The following ABI3BP variants were observed in gnomAD, a reference collection of about 807,000 sequenced individuals.
ABI3BP encodes target of Nesh-SH3.
ABI3BP carries 216 observed loss-of-function variants against 268.6 expected under a neutral mutation model. The observed-to-expected ratio is 0.80, with a 90% CI of 0.72 to 0.90. ABI3BP has a LOEUF of 0.90. Ranked by LOEUF, ABI3BP falls within the 40% of genes least tolerant of loss-of-function variation. The probability of loss-of-function intolerance (pLI) is 0.00; values close to 1 mark genes in which losing one functional copy is unlikely to be tolerated. For synonymous variants in ABI3BP, 730 were observed against 730.0 expected, an observed-to-expected ratio of 1.00 and a Z score of 0.00; for missense variants, 2,090 against 2,182.4, an observed-to-expected ratio of 0.96 and a Z score of 0.84.
rs2097302067 is a variant in ABI3BP at position 100,794,971 on chromosome 3, G to A, written c.3898C>T (p.Pro1300Ser). ...TGACTAGGACTTGGGGAAATCATGG[G>A]TATAAAAGGGATGCCTCGTGTCTCT... ...PLETRGIPFI[P>S]MISPSPSQEE... Residue 1300 changes from proline to serine, a missense_variant, in exon 54 of 68, where the codon CCC becomes TCC. By Grantham distance (74) the Pro-to-Ser change is moderately conservative. Coordinates refer to ENST00000471714, the MANE Select transcript of ABI3BP (RefSeq NM_001375547.2). 6.4e-7 allele frequency: 1 copy of A among 1,560,678 alleles called. No individual in the cohort carries two copies. Among genetic ancestry groups the A allele is most frequent in the Non-Finnish European group, 8.7e-7 (1 of 1,155,212 alleles).
At chr3:100,939,889 G>C (rs1344267666) in intron 1 of ABI3BP, among the ~76,000 whole-genome samples, 1 of 151,974 alleles carries the variant, frequency 6.6e-6, no homozygotes, top group Non-Finnish European at 1.5e-5. Flanking sequence ...CACCCAGGGG[G>C]GCCGTCTATA....
intron 1 of ABI3BP, among the ~76,000 whole-genome samples, chr3:100,985,050 T>C (rs969491797): frequency 6.6e-6 from 1 of 151,992 alleles, no homozygotes; most frequent in African/African-American, 2.4e-5. Flanking sequence ...CTGATAAAAG[T>C]ATATTTTCTT....
At chr3:100,792,414 T>C (rs2097220293) in intron 55 of ABI3BP, among the ~76,000 whole-genome samples, 1 of 151,524 alleles carries the variant, frequency 6.6e-6, no homozygotes, top group Admixed American at 6.6e-5. Context: ...GAAGGTCAAA[T>C]GTGTGGAAAA....
At chr3:100,955,569 T>C (rs1045033456) in intron 1 of ABI3BP, among the ~76,000 whole-genome samples, 4 of 152,212 alleles carry the variant, frequency 2.6e-5, no homozygotes, top group Non-Finnish European at 5.9e-5. Flanking sequence ...ATAATATTTT[T>C]ATATCTCCCA....
intron 55 of ABI3BP, among the ~76,000 whole-genome samples, chr3:100,790,571 G>A (rs186241892): frequency 1.0e-3 from 154 of 152,064 alleles, no homozygotes; most frequent in African/African-American, 3.5e-3. Flanking sequence ...ACTGTGATGA[G>A]CAGAATTTTG....
At chr3:100,808,282 G>A (rs752179071) in intron 49 of ABI3BP, 47 bp from the exon 50 acceptor site, 9 of 1,426,372 alleles carry the variant, frequency 6.3e-6, no homozygotes, top group Middle Eastern at 1.8e-4. Context: ...CTTCAAGAAT[G>A]ACAGTACCTA....
chr3:100,893,832 A>G (rs938160494), intron 4 of ABI3BP, among the ~76,000 whole-genome samples: 2 of 152,192 alleles, frequency 1.3e-5, no homozygotes, highest in Non-Finnish European at 2.9e-5. Context: ...GAGAGAGGGG[A>G]TCACTGGAGA....
At chr3:100,804,895 A>T in intron 50 of ABI3BP, 29 bp from the exon 51 acceptor site, 1 of 1,592,666 alleles carries the variant, frequency 6.3e-7, no homozygotes, top group Non-Finnish European at 8.6e-7. Flanking sequence ...ATTGTAAGTC[A>T]TTTGGTTTCA....
rs1373428474 is a variant in ABI3BP, at chr3:100,792,744, T to C, written c.3971A>G (p.Glu1324Gly). 4.3e-6 allele frequency: 7 copies of C among 1,611,504 alleles called. No individual in the cohort carries two copies. The South Asian group carries it at 6.6e-5, about 15-fold the overall frequency. ...TLEETDQSTQEPFTTKIPRTT... is the reference protein window; with the variant it reads ...TLEETDQSTQGPFTTKIPRTT... ...TCGTGGAATCTTAGTTGTGAAAGGT[T>C]CTTGGGTGGATTGGTCTGTTTCTTC... is the stretch of plus-strand genomic sequence containing the variant. The change falls in exon 55 of 68, where the codon GAA (glutamate) becomes GGA (glycine). Residue 1324 changes from glutamate (E) to glycine (G), a missense_variant. Glu to Gly is a moderately conservative substitution (Grantham distance 98, BLOSUM62 -2). Transcript: ENST00000471714.
At chr3:100,911,252 GGTT>G (rs1476952027) in intron 2 of ABI3BP, 1 of 324,736 alleles carries the variant, frequency 3.1e-6, no homozygotes, top group Non-Finnish European at 6.0e-6. Context: ...TCGAGGTGGA[GGTT>G]GTTGTTACAG....
intron 29 of ABI3BP, 101 bp from the exon 30 acceptor site, chr3:100,833,258 C>T (rs2098522407): frequency 1.1e-5 from 12 of 1,114,940 alleles, no homozygotes; most frequent in East Asian, 5.2e-5. Flanking sequence ...ACCATTATAG[C>T]GTTGGTTCTA....
In ABI3BP at chr3:100,750,647, TATTATA is replaced by T. The variant is rs550490620; in HGVS notation, c.5246-43_5246-38del. On this transcript the variant is annotated intron_variant, in intron 67 of 67. Coordinates refer to ENST00000471714, the MANE Select transcript of ABI3BP (RefSeq NM_001375547.2). The stretch of plus-strand genomic sequence containing the variant: ...AATAGTTTCATTTTAATAGCTGCTG[TATTATA>T]TTTTTGCCCTCACAGCTCATAGATT... The T allele has an allele frequency of 2.0e-4, 304 of 1,507,902 alleles. 1 individual carries two copies. The African/African-American group carries it at 3.7e-3, about 18-fold the overall frequency. The allele number at this position is 1,507,902 out of a possible 1,614,324, so 93.4% of individuals were successfully genotyped here.
chr3:100,807,156 T>C (rs1057226042), intron 50 of ABI3BP, among the ~76,000 whole-genome samples: 1 of 151,966 alleles, frequency 6.6e-6, no homozygotes, highest in Middle Eastern at 3.2e-3. Flanking sequence ...GAGCTTCTTC[T>C]CATATAATTT....
chr3:100,904,401 A>C (rs534982768), intron 2 of ABI3BP, among the ~76,000 whole-genome samples: 16 of 152,336 alleles, frequency 1.1e-4, no homozygotes, highest in Non-Finnish European at 2.2e-4. Flanking sequence ...GGGAAACAGA[A>C]GCAATAAGCA....
chr3:100,811,943 A>G, intron 46 of ABI3BP, 144 bp from the exon 47 acceptor site: 1 of 655,540 alleles, frequency 1.5e-6, no homozygotes, highest in South Asian at 2.1e-5. Context: ...GTAGATTATG[A>G]AGATGACCAC....
At chr3:100,900,314 T>G (rs1002665244) in intron 3 of ABI3BP, among the ~76,000 whole-genome samples, 1 of 152,226 alleles carries the variant, frequency 6.6e-6, no homozygotes, top group Admixed American at 6.5e-5. Flanking sequence ...GGGATGATTG[T>G]GATCTTCCCT....
chr3:100,851,963 A>T, intron 14 of ABI3BP, 23 bp from the exon 15 acceptor site: 2 of 1,410,208 alleles, frequency 1.4e-6, no homozygotes, highest in Non-Finnish European at 9.7e-7. Context: ...AAAAAGGCAA[A>T]ACAAGAGAGA....
Position 100,992,466 on chromosome 3 carries a change from C to G in ABI3BP, c.79+840G>C, listed in dbSNP as rs184559932. Among the ~76,000 whole-genome samples the G allele has an allele frequency of 1.2e-3, 181 of 152,280 alleles. 1 individual carries two copies. The highest frequency in any genetic ancestry group is 2.9e-3 in the Admixed American group (45 of 15,294). On this transcript the variant is annotated intron_variant, in intron 1 of 67. Coordinates refer to ENST00000471714, the MANE Select transcript of ABI3BP (RefSeq NM_001375547.2). ...TCATGACTGTATGGTAAATTCCAGC[C>G]TGTTTTTCACAATCCTGCTGACTAC...
At chr3:100,857,289 T>A (rs897030889) in intron 14 of ABI3BP, among the ~76,000 whole-genome samples, 2 of 152,220 alleles carry the variant, frequency 1.3e-5, no homozygotes, top group Non-Finnish European at 2.9e-5. Context: ...TGGCAGCCAA[T>A]GCAAGATTTC....
Sources: allele counts gnomAD v4.1 joint callset (sites outside exome capture counted in the v4.1 genomes callset), GRCh38; gene constraint gnomAD v4.1.1; transcripts MANE v1.5; gene names NCBI Gene and HGNC (gene_info 2026-07-23, HGNC 2026-07-21).